The following ASAP1 variants were observed in gnomAD, a reference collection of about 807,000 sequenced individuals.
ASAP1 encodes the protein ArfGAP with SH3 domain, ankyrin repeat and PH domain 1.
In ASAP1, 43 loss-of-function variants were observed where a neutral mutation model predicts 145.2. The ratio of observed to expected loss-of-function variants is 0.30; its 90% CI spans 0.23 to 0.38. The LOEUF is 0.38. ASAP1 is among the 10% of genes least tolerant of loss of function. The pLI is 1.00. For missense variants in ASAP1, 1,018 were observed against 1,355.3 expected (o/e 0.75, Z 3.91); for synonymous variants, 546 against 515.5 (o/e 1.06, Z -0.80).
At chr8:130,086,297 C>A (rs950730183) in intron 25 of ASAP1, among the ~76,000 whole-genome samples, 2 of 152,188 alleles carry the variant, frequency 1.3e-5, no homozygotes, top group Admixed American at 1.3e-4. Flanking sequence ...TTTCTGCGCC[C>A]CGAAGTTGAG....
chr8:130,305,216 T>C lies in ASAP1; in HGVS notation c.186+52801A>G, dbSNP rs116003731. ...TAGCACCTACTGACACCTAACATAC[T>C]GTTTATTTCTTGACTGCCTGTCCCC... On this transcript the variant is annotated intron_variant, in intron 3 of 29. Coordinates refer to ENST00000518721, the MANE Select transcript of ASAP1 (RefSeq NM_018482.4). 5.4e-3 allele frequency among the ~76,000 whole-genome samples: 822 copies of C among 152,330 alleles called. 7 individuals carry two copies. The highest frequency in any genetic ancestry group is 0.019 in the African/African-American group (773 of 41,564).
intron 2 of ASAP1, among the ~76,000 whole-genome samples, chr8:130,366,457 G>A (rs1188981176): frequency 6.6e-6 from 1 of 152,138 alleles, no homozygotes; most frequent in East Asian, 1.9e-4. Context: ...GATTGACACA[G>A]TTCCTCCTCC....
At chr8:130,387,544 A>G (rs868187307) in intron 2 of ASAP1, among the ~76,000 whole-genome samples, 13 of 151,834 alleles carry the variant, frequency 8.6e-5, no homozygotes, top group African/African-American at 2.2e-4. Flanking sequence ...AAGAAAGAAA[A>G]AAAAAAAAAA....
At chr8:130,423,690 C>G (rs1014303312) in intron 1 of ASAP1, among the ~76,000 whole-genome samples, 1 of 152,058 alleles carries the variant, frequency 6.6e-6, no homozygotes, top group South Asian at 2.1e-4. Flanking sequence ...TGTCACTGTT[C>G]GCAAAAACTA....
At chr8:130,428,430 TCATCAC>T (rs1395366220) in intron 1 of ASAP1, among the ~76,000 whole-genome samples, 6 of 104,832 alleles carry the variant, frequency 5.7e-5, no homozygotes, top group Non-Finnish European at 1.0e-4. Flanking sequence ...ACCATCATCA[TCATCAC>T]CACCACCACC....
intron 25 of ASAP1, among the ~76,000 whole-genome samples, chr8:130,085,456 C>T (rs146649995): frequency 0.015 from 2,325 of 152,184 alleles, 33 homozygotes; most frequent in African/African-American, 0.039. Flanking sequence ...AGAGGAGGAC[C>T]GGGTGAAGAG....
chr8:130,411,596 G>A (rs1358694013), intron 1 of ASAP1, among the ~76,000 whole-genome samples: 2 of 152,192 alleles, frequency 1.3e-5, no homozygotes, highest in Non-Finnish European at 2.9e-5. Flanking sequence ...GCTTCTTGGG[G>A]AAACCACCCT....
intron 24 of ASAP1, among the ~76,000 whole-genome samples, chr8:130,093,513 A>G (rs968987667): frequency 2.6e-5 from 4 of 152,040 alleles, no homozygotes; most frequent in African/African-American, 4.8e-5. Flanking sequence ...CTAAAAATAC[A>G]AAAATTAGCC....
At chr8:130,428,486 T>TAG (rs1565308673) in intron 1 of ASAP1, among the ~76,000 whole-genome samples, 1 of 7,834 alleles carries the variant, frequency 1.3e-4, no homozygotes. Flanking sequence ...CACCACCATC[T>TAG]TCATCACCAT....
intron 3 of ASAP1, among the ~76,000 whole-genome samples, chr8:130,298,810 C>T (rs1822447857): frequency 6.6e-6 from 1 of 152,158 alleles, no homozygotes; most frequent in South Asian, 2.1e-4. Flanking sequence ...GGTGCCCTGC[C>T]ATGGTCTCCC....
rs1234603236 is a variant in ASAP1, at chr8:130,053,818, T to C, written c.*913A>G. The C allele has an allele frequency of 2.0e-5, 3 of 152,340 alleles. No homozygotes were observed. The highest frequency in any genetic ancestry group is 7.2e-5 in the African/African-American group (3 of 41,578). 9.4% of individuals were successfully genotyped at this position (152,340 alleles called of 1,614,324 possible). A position where few individuals can be genotyped will look rare whatever the true frequency, so the allele number is the denominator to read the frequency against. On this transcript the variant is annotated 3_prime_UTR_variant, in exon 30 of 30. Coordinates refer to ENST00000518721, the MANE Select transcript of ASAP1 (RefSeq NM_018482.4). ...GAAAGCCAGTGATTAGAAACAAATA[T>C]TGTTGCAACCTTATAATTTCTGCTT...
At chr8:130,234,842 G>C (rs1474946695) in intron 4 of ASAP1, among the ~76,000 whole-genome samples, 1 of 152,042 alleles carries the variant, frequency 6.6e-6, no homozygotes, top group East Asian at 1.9e-4. Context: ...GACAAACAAT[G>C]GTTCTCATTA....
rs745416119 is a variant in ASAP1 at position 130,128,139 on chromosome 8, A to ATT, written c.1218-51_1218-50dup. ...AAAAAGTCTTTATAAGAGCATGGTC[A>ATT]TTTTTTTTTTTTTTTTTTTTTTTTT... On this transcript the variant is annotated intron_variant, in intron 15 of 29. Coordinates refer to ENST00000518721, the MANE Select transcript of ASAP1 (RefSeq NM_018482.4). 4.2e-3 allele frequency: 748 copies of ATT among 179,036 alleles called. 2 individuals are homozygous for ATT. Among genetic ancestry groups the ATT allele is most frequent in the South Asian group, 4.9e-3 (17 of 3,474 alleles). The allele number at this position is 179,036 out of a possible 1,614,324, so 11.1% of individuals were successfully genotyped here.
At chr8:130,316,030 C>T (rs1425804327) in intron 3 of ASAP1, among the ~76,000 whole-genome samples, 2 of 152,216 alleles carry the variant, frequency 1.3e-5, no homozygotes, top group African/African-American at 4.8e-5. Flanking sequence ...ATCATCTATT[C>T]CATGGCTAGG....
chr8:130,308,964 T>C (rs1038229885), intron 3 of ASAP1, among the ~76,000 whole-genome samples: 3 of 151,982 alleles, frequency 2.0e-5, no homozygotes, highest in Non-Finnish European at 2.9e-5. Flanking sequence ...TCACGGGCAG[T>C]TGAGGGAAAG....
chr8:130,057,831 A>G (rs1242673172), intron 29 of ASAP1, 123 bp downstream of exon 29: 8 of 1,249,610 alleles, frequency 6.4e-6, no homozygotes, highest in Non-Finnish European at 6.8e-6. Flanking sequence ...TGAGTGATGC[A>G]GCTGACAGGG....
chr8:130,066,563 T>C (rs533353534), intron 27 of ASAP1, among the ~76,000 whole-genome samples: 1 of 151,714 alleles, frequency 6.6e-6, no homozygotes, highest in South Asian at 2.1e-4. Flanking sequence ...TTTCTCATTC[T>C]TTCTTTCTTT....
intron 29 of ASAP1, among the ~76,000 whole-genome samples, chr8:130,055,385 G>A (rs1034783763): frequency 6.6e-6 from 1 of 152,140 alleles, no homozygotes; most frequent in Non-Finnish European, 1.5e-5. Flanking sequence ...GGAAGGAAGG[G>A]GTTTCTTTGC....
chr8:130,380,063 T>C (rs1296523931), intron 2 of ASAP1, among the ~76,000 whole-genome samples: 1 of 152,158 alleles, frequency 6.6e-6, no homozygotes, highest in African/African-American at 2.4e-5. Context: ...CCTCTCCTCC[T>C]ACTAAGCACC....
Sources: gnomAD v4.1 joint callset for allele counts (sites outside exome capture counted in the v4.1 genomes callset) on GRCh38, gnomAD v4.1.1 for gene constraint, MANE v1.5 for transcripts, NCBI Gene and HGNC (gene_info 2026-07-23, HGNC 2026-07-21) for gene names.